GALNT13: variants seen among roughly 807,000 people sequenced by gnomAD.
GALNT13 encodes polypeptide N-acetylgalactosaminyltransferase 13.
Under a neutral mutation model 64.2 loss-of-function variants are expected in GALNT13, and 28 were observed. The observed-to-expected ratio is 0.44, with a 90% CI of 0.32 to 0.60. The LOEUF (loss-of-function observed/expected upper bound fraction) is 0.60. GALNT13 is among the 20% of genes least tolerant of loss of function. GALNT13 has a pLI of 0.05. For missense variants in GALNT13, 577 were observed against 669.8 expected (o/e 0.86, Z 1.53); for synonymous variants, 214 against 224.6 (o/e 0.95, Z 0.42).
At chr2:153,267,272 T>C in the GALNT13 span, among the ~76,000 whole-genome samples, 4 of 152,158 alleles carry the variant, frequency 2.6e-5, no homozygotes, top group Non-Finnish European at 5.9e-5. Flanking sequence ...TCCAGGGGAC[T>C]CTGGAAAAGA....
chr2:153,419,187 A>G, the GALNT13 span, among the ~76,000 whole-genome samples: 2 of 152,212 alleles, frequency 1.3e-5, no homozygotes, highest in Non-Finnish European at 2.9e-5. Context: ...AAGCAAACAT[A>G]TCCTTCTTCA....
the GALNT13 span, among the ~76,000 whole-genome samples, chr2:153,825,159 G>C: frequency 1.3e-5 from 2 of 152,174 alleles, no homozygotes; most frequent in Admixed American, 1.3e-4. Context: ...TTGGTGATCA[G>C]AGCTTGATGA....
intron 3 of GALNT13, among the ~76,000 whole-genome samples, chr2:153,967,244 TA>T (rs1373655643): frequency 1.3e-5 from 2 of 152,166 alleles, no homozygotes; most frequent in Non-Finnish European, 2.9e-5. Context: ...CTTATTTAGT[TA>T]ATGTGGTGAG....
chr2:153,715,917 A>C, the GALNT13 span, among the ~76,000 whole-genome samples: 1 of 150,700 alleles, frequency 6.6e-6, no homozygotes, highest in African/African-American at 2.4e-5. Context: ...TTCATTTTAC[A>C]TACATATAGG....
chr2:153,592,831 C>T, the GALNT13 span: 1 of 152,188 alleles, frequency 6.6e-6, no homozygotes, highest in Admixed American at 6.6e-5. Context: ...AACTTAAAGC[C>T]TGTTTGCGAG....
At chr2:154,014,635 C>CTTTTTT (rs60950180) in intron 3 of GALNT13, among the ~76,000 whole-genome samples, 1,216 of 77,154 alleles carry the variant, frequency 0.016, 218 homozygotes, top group Non-Finnish European at 0.027. Flanking sequence ...GATAATTCTC[C>CTTTTTT]TTTTTTTTTT....
chr2:153,269,047 A>C, the GALNT13 span, among the ~76,000 whole-genome samples: 126,496 of 152,206 alleles, frequency 0.83, 53,824 homozygotes, highest in African/African-American at 0.93. Flanking sequence ...ATTGTCTTGG[A>C]AATTTAACAT....
the GALNT13 span, among the ~76,000 whole-genome samples, chr2:153,228,701 C>G: frequency 6.6e-6 from 1 of 151,734 alleles, no homozygotes; most frequent in Non-Finnish European, 1.5e-5. Context: ...GATGAAACCC[C>G]GTCTCTACTA....
intron 2 of GALNT13, among the ~76,000 whole-genome samples, chr2:153,922,423 T>A (rs1689820352): frequency 1.3e-5 from 2 of 152,252 alleles, no homozygotes; most frequent in Admixed American, 1.3e-4. Context: ...AACAGATCTT[T>A]TGATCTTGAA....
the GALNT13 span, among the ~76,000 whole-genome samples, chr2:153,786,141 C>T: frequency 6.6e-6 from 1 of 152,124 alleles, no homozygotes; most frequent in Non-Finnish European, 1.5e-5. Context: ...TCCATCACAA[C>T]CACCCTGCCT....
At chr2:153,478,923 GGCCGCACC>G in the GALNT13 span, 68 of 272,478 alleles carry the variant, frequency 2.5e-4, no homozygotes, top group Middle Eastern at 5.1e-3. Context: ...GGCCCCTTCC[GGCCGCACC>G]GCCGCGCTGC....
the GALNT13 span, among the ~76,000 whole-genome samples, chr2:153,597,006 A>G: frequency 6.6e-6 from 1 of 152,166 alleles, no homozygotes; most frequent in Non-Finnish European, 1.5e-5. Flanking sequence ...CAGAAAAATG[A>G]GAAAAATATT....
At chr2:154,131,709 A>T (rs556352512) in intron 3 of GALNT13, among the ~76,000 whole-genome samples, 9 of 152,328 alleles carry the variant, frequency 5.9e-5, no homozygotes, top group African/African-American at 1.4e-4. Flanking sequence ...CGTTAATAGG[A>T]TAGATGCATA....
chr2:153,935,935 T>G (rs1690880165), intron 2 of GALNT13, among the ~76,000 whole-genome samples: 1 of 152,220 alleles, frequency 6.6e-6, no homozygotes, highest in Non-Finnish European at 1.5e-5. Context: ...GCTTTACTTC[T>G]CTCCAGTCCT....
At chr2:154,448,926 G>A in intron 12 of GALNT13, among the ~76,000 whole-genome samples, 1 of 151,984 alleles carries the variant, frequency 6.6e-6, no homozygotes. Flanking sequence ...TTTTGAAAGA[G>A]AATATATACA....
At chr2:154,372,870 G>C (rs1390894638) in intron 9 of GALNT13, among the ~76,000 whole-genome samples, 1 of 151,784 alleles carries the variant, frequency 6.6e-6, no homozygotes, top group African/African-American at 2.4e-5. Flanking sequence ...CATGAAAATT[G>C]TATAAACTCC....
Position 154,257,390 on chromosome 2 carries a change from T to C in GALNT13, c.858-1631T>C, listed in dbSNP as rs190937970. Among the ~76,000 whole-genome samples the C allele has an allele frequency of 3.3e-5, 5 of 152,262 alleles. No individual in the cohort carries two copies. In the East Asian group the frequency reaches 9.6e-4, roughly 29 times the overall value. On this transcript the variant is annotated intron_variant, in intron 7 of 12. Transcript: ENST00000392825. ...TATTAAGCATTTGGTTACATTATGA[T>C]AGGATAATTGCAGCAATTTTGGTTC...
At chr2:153,196,500 C>T in the GALNT13 span, among the ~76,000 whole-genome samples, 4 of 152,090 alleles carry the variant, frequency 2.6e-5, no homozygotes, top group Non-Finnish European at 5.9e-5. Context: ...CCATGAGAGT[C>T]GACACTCCCA....
At chr2:154,273,584 G>A (rs1267165487) in intron 8 of GALNT13, among the ~76,000 whole-genome samples, 1 of 152,108 alleles carries the variant, frequency 6.6e-6, no homozygotes, top group Non-Finnish European at 1.5e-5. Context: ...TGGTCCCATA[G>A]GATACTACTG....
Sources: allele counts gnomAD v4.1 joint callset (sites outside exome capture counted in the v4.1 genomes callset), GRCh38; gene constraint gnomAD v4.1.1; transcripts MANE v1.5; gene names NCBI Gene and HGNC (gene_info 2026-07-23, HGNC 2026-07-21).